The following FAM193B variants were observed in gnomAD, a reference collection of about 807,000 sequenced individuals.
The protein encoded by FAM193B is family with sequence similarity 193 member B, also known as protein FAM193B.
A neutral mutation model predicts 70.7 loss-of-function variants in FAM193B; 27 were observed. The observed-to-expected ratio is 0.38, with a 90% CI of 0.28 to 0.53. The LOEUF is 0.53. FAM193B is among the 20% of genes least tolerant of loss of function. The pLI is 0.81. For missense variants in FAM193B, 1,022 were observed against 1,072.5 expected (o/e 0.95, Z 0.66); for synonymous variants, 448 against 436.0 (o/e 1.03, Z -0.34).
intron 1 of FAM193B, among the ~76,000 whole-genome samples, chr5:177,550,006 A>C (rs1244750238): frequency 6.6e-6 from 1 of 152,196 alleles, no homozygotes; most frequent in Non-Finnish European, 1.5e-5. Flanking sequence ...CATCCATCTG[A>C]TATCAAAAAT....
chr5:177,538,075 CTG>C lies in FAM193B; in HGVS notation c.484_485del (p.Gln162ValfsTer5), dbSNP rs1474617323. On this transcript the variant is annotated frameshift_variant, in exon 3 of 9. Coordinates refer to ENST00000514747, the MANE Select transcript of FAM193B (RefSeq NM_001190946.3). LOFTEE classifies it high-confidence loss of function. The surrounding 1 kb of genome is among the most constrained non-coding windows in gnomAD (Gnocchi z 4.1). ...ACGAATGAGAGTCATCTCCACAAGA[CTG>C]TGATTTGCAGGATGTGTGTGACAAG... ...ISLSHTSCKSQSCGDDSHSSS... is the reference protein window; with the variant it reads ...ISLSHTSCKSXSCGDDSHSSS... 1 of 1,549,332 alleles carries C rather than the reference CTG, an allele frequency of 6.5e-7. No homozygotes were observed. The highest frequency in any genetic ancestry group is 2.4e-5 in the East Asian group (1 of 40,844).
At chr5:177,548,524 C>T (rs1765767520) in intron 1 of FAM193B, among the ~76,000 whole-genome samples, 1 of 152,154 alleles carries the variant, frequency 6.6e-6, no homozygotes, top group South Asian at 2.1e-4. Flanking sequence ...TTGAAGAATA[C>T]CCTAGGTCTC....
At chr5:177,526,846 G>A (rs765342580) in intron 5 of FAM193B, among the ~76,000 whole-genome samples, 4 of 152,200 alleles carry the variant, frequency 2.6e-5, no homozygotes, top group Non-Finnish European at 4.4e-5. Flanking sequence ...ACCATTTACC[G>A]ACCATTGAGG....
intron 1 of FAM193B, among the ~76,000 whole-genome samples, chr5:177,551,566 T>C (rs1036596087): frequency 6.6e-6 from 1 of 152,214 alleles, no homozygotes; most frequent in East Asian, 1.9e-4. Flanking sequence ...TGTGGAAAAG[T>C]GGACCCAGCA....
rs1763555533 is a variant in FAM193B at position 177,532,097 on chromosome 5, C to T, written c.1275+346G>A. On this transcript the variant is annotated intron_variant, in intron 5 of 8. Coordinates refer to ENST00000514747, the MANE Select transcript of FAM193B (RefSeq NM_001190946.3). The surrounding 1 kb of genome is among the most constrained non-coding windows in gnomAD (Gnocchi z 4.9). ...GGGGGACTGAGAGCCTTTTTGCTTC[C>T]ACTCTGCCTTCATCACTCCCAAGCG... 2 of 1,309,244 alleles carry T rather than the reference C, an allele frequency of 1.5e-6. No individual in the cohort carries two copies. The highest frequency in any genetic ancestry group is 1.0e-6 in the Non-Finnish European group (1 of 1,002,524). 81.1% of individuals were successfully genotyped at this position (1,309,244 alleles called of 1,614,324 possible).
chr5:177,539,203 T>C lies in FAM193B; in HGVS notation c.211-56A>G, dbSNP rs1764557252. 18 of 1,483,202 alleles carry C rather than the reference T, an allele frequency of 1.2e-5. No individual in the cohort carries two copies. In the South Asian group the frequency reaches 2.4e-4, roughly 20 times the overall value. The allele number at this position is 1,483,202 out of a possible 1,614,324, so 91.9% of individuals were successfully genotyped here. Reference sequence around the variant, plus strand: ...GGAGGGGAAAGGCTCTCCTTCAAAATAATAGTAACAATATTAGTAATGCCA... The same window carrying C: ...GGAGGGGAAAGGCTCTCCTTCAAAACAATAGTAACAATATTAGTAATGCCA... On this transcript the variant is annotated intron_variant, in intron 1 of 8. Transcript: ENST00000514747.
intron 5 of FAM193B, chr5:177,525,493 C>T (rs1025423237): frequency 1.9e-5 from 6 of 318,716 alleles, no homozygotes; most frequent in African/African-American, 2.1e-5. Flanking sequence ...ACAATAATTC[C>T]GGAGTAAAGC....
intron 1 of FAM193B, among the ~76,000 whole-genome samples, chr5:177,540,494 G>C (rs1332911756): frequency 6.6e-6 from 1 of 152,122 alleles, no homozygotes; most frequent in Non-Finnish European, 1.5e-5. Flanking sequence ...TGGGATGTTA[G>C]CAAATAGGCT....
At position 177,538,817 on chromosome 5, in the gene FAM193B, A is replaced by G; in HGVS notation, c.453+88T>C. 1 of 1,552,486 alleles carries G rather than the reference A, an allele frequency of 6.4e-7. No homozygotes were observed. The highest frequency in any genetic ancestry group is 8.8e-7 in the Non-Finnish European group (1 of 1,140,636). On this transcript the variant is annotated intron_variant, in intron 2 of 8. Transcript: ENST00000514747. The surrounding 1 kb of genome is among the most constrained non-coding windows in gnomAD (Gnocchi z 4.1). ...AGTGCCTGGGCATGGGAGCTGCCCA[A>G]GGAGAGCCACCTGAGGACAGGGAAC...
intron 7 of FAM193B, among the ~76,000 whole-genome samples, chr5:177,522,765 A>C (rs904872593): frequency 5.3e-5 from 8 of 152,240 alleles, no homozygotes; most frequent in African/African-American, 1.9e-4. Flanking sequence ...CCCAGGCTGA[A>C]GTGCAATGGC....
chr5:177,536,348 G>C lies in FAM193B; in HGVS notation c.1076+10C>G, dbSNP rs335460. ...GGGTAGCGAGTTTGCCCTTCATGCA[G>C]CACACTTACCTGTGAGTGCTAGGGA... On this transcript the variant is annotated intron_variant, in intron 4 of 8. Coordinates refer to ENST00000514747, the MANE Select transcript of FAM193B (RefSeq NM_001190946.3). 8 of 1,604,066 alleles carry C rather than the reference G, an allele frequency of 5.0e-6. No homozygotes were observed. In the South Asian group the frequency reaches 8.9e-5, roughly 18 times the overall value.
chr5:177,536,548 C>T lies in FAM193B; in HGVS notation c.886G>A (p.Ala296Thr). The T allele has an allele frequency of 5.3e-6, 8 of 1,520,338 alleles. No individual in the cohort carries two copies. The highest frequency in any genetic ancestry group is 7.0e-6 in the Non-Finnish European group (8 of 1,139,954). The allele number at this position is 1,520,338 out of a possible 1,614,324, so 94.2% of individuals were successfully genotyped here. ...GGAGTGTGGGGGGCAGTGGCAGCAG[C>T]AACAGGGCACTCTGAAGCCTGGGCA... ...FPAQASECPV[A>T]AATAPHTPGP... Residue 296 changes from alanine to threonine, a missense_variant, in exon 4 of 9, where the codon GCT (alanine) becomes ACT (threonine). Coordinates refer to ENST00000514747, the MANE Select transcript of FAM193B (RefSeq NM_001190946.3).
rs1554123264 is a variant in FAM193B at position 177,554,489 on chromosome 5, ACGCCGCCGC to A, written c.-40_-32del. Reference sequence around the variant, plus strand: ...CGCTCGCGCCGCTCCCTCGCTCCACACGCCGCCGCCGCCGCCGCCGCCGCCGCCGCCGCC... The same window carrying A: ...CGCTCGCGCCGCTCCCTCGCTCCACACGCCGCCGCCGCCGCCGCCGCCGCC... On this transcript the variant is annotated 5_prime_UTR_variant, in exon 1 of 9. Transcript: ENST00000514747. 2.2e-4 allele frequency: 132 copies of A among 605,990 alleles called. No homozygotes were observed. The African/African-American group carries it at 2.9e-3, about 13-fold the overall frequency. The allele number at this position is 605,990 out of a possible 1,614,324, so 37.5% of individuals were successfully genotyped here.
intron 5 of FAM193B, among the ~76,000 whole-genome samples, chr5:177,527,923 C>T (rs1561756422): frequency 6.6e-6 from 1 of 152,188 alleles, no homozygotes; most frequent in Non-Finnish European, 1.5e-5. Flanking sequence ...ACCTGTGGGA[C>T]GTCCACAAGG....
intron 1 of FAM193B, among the ~76,000 whole-genome samples, chr5:177,551,449 C>T (rs916663081): frequency 6.6e-6 from 1 of 152,100 alleles, no homozygotes; most frequent in Non-Finnish European, 1.5e-5. Context: ...TAAATGTGTA[C>T]AGGTTATGCC....
chr5:177,545,138 T>C (rs1025066265), intron 1 of FAM193B, among the ~76,000 whole-genome samples: 1 of 152,114 alleles, frequency 6.6e-6, no homozygotes, highest in Non-Finnish European at 1.5e-5. Flanking sequence ...CCACCTCCCA[T>C]GTTCAAGCGG....
intron 8 of FAM193B, among the ~76,000 whole-genome samples, chr5:177,521,763 C>T (rs1374127352): frequency 6.6e-6 from 1 of 152,132 alleles, no homozygotes; most frequent in African/African-American, 2.4e-5. Context: ...AGAACAGAGG[C>T]CTACAGGTGA....
Position 177,537,942 on chromosome 5 carries a change from G to C in FAM193B, c.619C>G (p.Leu207Val). The change falls in exon 3 of 9, where the codon CTC becomes GTC. Residue 207 changes from leucine to valine, a missense_variant. Transcript: ENST00000514747. ...SFLSAHKLSG[L>V]WNSPHSSGAM... ...CCACTGGAATGTGGGGAATTCCAGA[G>C]GCCCGAGAGCTTATGTGCCGACAGG... 1 of 1,583,054 alleles carries C rather than the reference G, an allele frequency of 6.3e-7. No individual in the cohort carries two copies. The highest frequency in any genetic ancestry group is 8.6e-7 in the Non-Finnish European group (1 of 1,164,536).
chr5:177,524,735 C>G lies in FAM193B; in HGVS notation c.1746G>C (p.Gly582=). The G allele has an allele frequency of 6.5e-7, 1 of 1,549,680 alleles. No individual in the cohort carries two copies. Among genetic ancestry groups the G allele is most frequent in the Non-Finnish European group, 8.7e-7 (1 of 1,148,856 alleles). ...GCACGGTGTTGAGTCTCCTCACGAGCCCGTTCTCGGGGACGATACCGGGAG... is the reference window on the plus strand; with the variant it reads ...GCACGGTGTTGAGTCTCCTCACGAGGCCGTTCTCGGGGACGATACCGGGAG... ...GPPPGIVPEN[G]LVRRLNTVPN... is the part of the protein sequence containing the mutation. Residue 582 remains glycine, a synonymous_variant, in exon 6 of 9, where the codon GGG becomes GGC. Transcript: ENST00000514747.
Sources: gnomAD v4.1 joint callset for allele counts (sites outside exome capture counted in the v4.1 genomes callset) on GRCh38, gnomAD v4.1.1 for gene constraint, Gnocchi (gnomAD v3.1) non-coding constraint, MANE v1.5 for transcripts, NCBI Gene and HGNC (gene_info 2026-07-23, HGNC 2026-07-21) for gene names.